Variants in UPB1 observed in about 807,000 individuals in gnomAD.
UPB1 encodes the protein beta-ureidopropionase 1.
Under a neutral mutation model 49.1 loss-of-function variants are expected in UPB1, and 40 were observed. The observed-to-expected ratio is 0.81, with a 90% CI of 0.63 to 1.06. The LOEUF (loss-of-function observed/expected upper bound fraction) is 1.06, where lower values mean the gene tolerates loss of function less well. Among genes scored for constraint, UPB1 ranks in the 50% least tolerant of loss-of-function variants. The probability of loss-of-function intolerance (pLI) is 0.00; values close to 1 mark genes in which losing one functional copy is unlikely to be tolerated. For missense variants in UPB1, 499 were observed against 505.9 expected (o/e 0.99, Z 0.13); for synonymous variants, 207 against 198.2 (o/e 1.04, Z -0.38).
At chr22:24,520,534 TC>T (rs1568995233) in intron 7 of UPB1, 66 bp downstream of exon 7, 2 of 1,558,162 alleles carry the variant, frequency 1.3e-6, no homozygotes, top group African/African-American at 2.7e-5. Flanking sequence ...GACACCCCGT[TC>T]CCTCTGCACA....
At position 24,527,828 on chromosome 22, in the gene UPB1, C is replaced by T. The variant is rs562941354; in HGVS notation, c.*2034C>T. ...AAAAAAAAAAAAAAAAATTCCAGTC[C>T]TACAGACACAGTGAGCTTTTTTGCC... On this transcript the variant is annotated 3_prime_UTR_variant, in exon 10 of 10. Coordinates refer to ENST00000326010, the MANE Select transcript of UPB1 (RefSeq NM_016327.3). The T allele has an allele frequency of 1.1e-4, 16 of 152,004 alleles. No homozygotes were observed. The highest frequency in any genetic ancestry group is 3.9e-4 in the African/African-American group (16 of 41,400). 9.4% of individuals were successfully genotyped at this position (152,004 alleles called of 1,614,324 possible).
Position 24,523,766 on chromosome 22 carries a change from A to G in UPB1, c.1064A>G (p.Asn355Ser), listed in dbSNP as rs1430183434. The change falls in exon 9 of 10, where the codon AAC becomes AGC. Residue 355 changes from asparagine (N) to serine (S), a missense_variant. Coordinates refer to ENST00000326010, the MANE Select transcript of UPB1 (RefSeq NM_016327.3). ...NLCQQVNDVW[N>S]FKMTGRYEMY... ...TGCCAGCAGGTGAATGATGTCTGGAACTTCAAGGTAGGTCCCCAGGACCCC... is the reference window on the plus strand; with the variant it reads ...TGCCAGCAGGTGAATGATGTCTGGAGCTTCAAGGTAGGTCCCCAGGACCCC... The G allele has an allele frequency of 1.2e-6, 2 of 1,614,222 alleles. No individual in the cohort carries two copies. The highest frequency in any genetic ancestry group is 8.5e-7 in the Non-Finnish European group (1 of 1,180,042).
At chr22:24,503,669 C>T (rs2044034543) in intron 3 of UPB1, 1 of 152,166 alleles carries the variant, frequency 6.6e-6, no homozygotes, top group African/African-American at 2.4e-5. Flanking sequence ...TTAAATGGAC[C>T]ATCCAGGCAT....
chr22:24,519,656 G>A (rs2044353605), intron 6 of UPB1: 2 of 152,816 alleles, frequency 1.3e-5, no homozygotes, highest in Admixed American at 1.3e-4. Context: ...GTTCAGAAGA[G>A]GGAAATGGGA....
At position 24,513,360 on chromosome 22, in the gene UPB1, A is replaced by G. The variant is rs777283230; in HGVS notation, c.496A>G (p.Ile166Val). 36 of 1,614,178 alleles carry G rather than the reference A, an allele frequency of 2.2e-5. No individual in the cohort carries two copies. Among genetic ancestry groups the G allele is most frequent in the Non-Finnish European group, 3.1e-5 (36 of 1,180,034 alleles). The change falls in exon 5 of 10, where the codon ATC becomes GTC. Residue 166 changes from isoleucine to valine, a missense_variant. Coordinates refer to ENST00000326010, the MANE Select transcript of UPB1 (RefSeq NM_016327.3). Reference protein sequence around the residue: ...KNHDMVVVSPILERDSEHGDV... With the variant: ...KNHDMVVVSPVLERDSEHGDV... ...CCATGACATGGTGGTGGTGTCTCCCATCCTGGAACGAGACAGCGAGCATGG... is the reference window on the plus strand; with the variant it reads ...CCATGACATGGTGGTGGTGTCTCCCGTCCTGGAACGAGACAGCGAGCATGG...
At chr22:24,520,727 C>T (rs2044375665) in intron 7 of UPB1, among the ~76,000 whole-genome samples, 1 of 152,190 alleles carries the variant, frequency 6.6e-6, no homozygotes, top group Non-Finnish European at 1.5e-5. Flanking sequence ...TCCCCATTGA[C>T]CCCATACACT....
chr22:24,511,612 A>AT (rs201206994), intron 4 of UPB1, among the ~76,000 whole-genome samples: 112 of 90,690 alleles, frequency 1.2e-3, no homozygotes, highest in Middle Eastern at 6.1e-3. Flanking sequence ...ATATATATAT[A>AT]TATATATTTT....
In UPB1 at chr22:24,526,973, A is replaced by C. The variant is rs1226155110; in HGVS notation, c.*1179A>C. 1.3e-5 allele frequency: 2 copies of C among 152,166 alleles called. No homozygotes were observed. Among genetic ancestry groups the C allele is most frequent in the African/African-American group, 4.8e-5 (2 of 41,444 alleles). 9.4% of individuals were successfully genotyped at this position (152,166 alleles called of 1,614,324 possible). A position where few individuals can be genotyped will look rare whatever the true frequency, so the allele number is the denominator to read the frequency against. On this transcript the variant is annotated 3_prime_UTR_variant, in exon 10 of 10. Transcript: ENST00000326010. ...TTATATCTCTATCCATCACCTACTA[A>C]TTCTGCTAGTTCTGCTAATGTGGTT...
intron 4 of UPB1, among the ~76,000 whole-genome samples, chr22:24,512,291 A>G (rs1227734066): frequency 2.0e-5 from 3 of 152,334 alleles, no homozygotes; most frequent in South Asian, 4.1e-4. Context: ...CTCCGCCTCC[A>G]CAGGGACCTG....
intron 3 of UPB1, among the ~76,000 whole-genome samples, chr22:24,504,153 C>T (rs2044043314): frequency 6.6e-6 from 1 of 152,252 alleles, no homozygotes; most frequent in African/African-American, 2.4e-5. Flanking sequence ...CAGCTCCCTT[C>T]ATTTCCTGTT....
intron 5 of UPB1, among the ~76,000 whole-genome samples, chr22:24,514,331 A>C (rs943691273): frequency 6.6e-6 from 1 of 152,172 alleles, no homozygotes; most frequent in East Asian, 1.9e-4. Context: ...GGGGGTGGGA[A>C]GACGCGCCCC....
intron 2 of UPB1, 139 bp downstream of exon 2, chr22:24,500,417 C>A: frequency 9.5e-7 from 1 of 1,051,346 alleles, no homozygotes; most frequent in Non-Finnish European, 1.4e-6. Context: ...GCGCTTCTGC[C>A]CTGGCCTCCC....
chr22:24,511,674 C>T (rs888786095), intron 4 of UPB1, among the ~76,000 whole-genome samples: 3 of 143,664 alleles, frequency 2.1e-5, no homozygotes, highest in Non-Finnish European at 4.5e-5. Flanking sequence ...AGTGCAGTGG[C>T]ACGATCTCGG....
chr22:24,516,186 C>G lies in UPB1; in HGVS notation c.791+816C>G, dbSNP rs569083362. On this transcript the variant is annotated intron_variant, in intron 6 of 9. Coordinates refer to ENST00000326010, the MANE Select transcript of UPB1 (RefSeq NM_016327.3). ...TTGGAGATCAGTCGAGGAAACTTGT[C>G]TTTAACCAGAGAAGGGTTTTATTTT... Among the ~76,000 whole-genome samples the G allele has an allele frequency of 2.4e-3, 358 of 152,254 alleles. 1 individual carries two copies. The highest frequency in any genetic ancestry group is 0.01 in the Middle Eastern group (3 of 294).
chr22:24,511,082 G>A (rs1011358313), intron 4 of UPB1, among the ~76,000 whole-genome samples: 2 of 152,150 alleles, frequency 1.3e-5, no homozygotes, highest in African/African-American at 2.4e-5. Context: ...CTGCAGCCCA[G>A]GGAGGGTGGT....
At chr22:24,521,871 T>C (rs1157870561) in intron 7 of UPB1, 115 bp from the exon 8 acceptor site, 2 of 1,085,814 alleles carry the variant, frequency 1.8e-6, no homozygotes, top group East Asian at 2.5e-5. Flanking sequence ...CTTAACTGTT[T>C]CCTGGCTGAC....
At chr22:24,501,268 T>C (rs1351564341) in intron 2 of UPB1, among the ~76,000 whole-genome samples, 4 of 152,118 alleles carry the variant, frequency 2.6e-5, no homozygotes, top group Admixed American at 2.0e-4. Context: ...AGGAGGAGAC[T>C]ATAGGCCTTG....
chr22:24,501,775 G>A (rs762279), intron 2 of UPB1, among the ~76,000 whole-genome samples: 72,712 of 152,026 alleles, frequency 0.48, 18,792 homozygotes, highest in Non-Finnish European at 0.58. Context: ...GCGGAGTCCC[G>A]GGCCAAGGGG....
intron 3 of UPB1, 36 bp downstream of exon 3, chr22:24,502,249 C>G: frequency 6.3e-7 from 1 of 1,591,688 alleles, no homozygotes; most frequent in Non-Finnish European, 8.6e-7. Flanking sequence ...CTGCTGCCTT[C>G]AAACAATTGT....
Sources: gnomAD v4.1 joint callset for allele counts (sites outside exome capture counted in the v4.1 genomes callset) on GRCh38, gnomAD v4.1.1 for gene constraint, MANE v1.5 for transcripts, NCBI Gene and HGNC (gene_info 2026-07-23, HGNC 2026-07-21) for gene names.